Variants in SHC4 observed in about 807,000 individuals in gnomAD.
SHC4 encodes SHC adaptor protein 4.
SHC4 carries 41 observed loss-of-function variants against 69.4 expected under a neutral mutation model. The ratio of observed to expected loss-of-function variants is 0.59; its 90% CI spans 0.46 to 0.77. The LOEUF (loss-of-function observed/expected upper bound fraction) is 0.77, where lower values mean the gene tolerates loss of function less well. Among genes scored for constraint, SHC4 ranks in the 30% least tolerant of loss-of-function variants. The pLI is 0.00. For missense variants in SHC4, 777 were observed against 783.8 expected (o/e 0.99, Z 0.10); for synonymous variants, 318 against 299.3 (o/e 1.06, Z -0.64).
intron 2 of SHC4, among the ~76,000 whole-genome samples, chr15:48,914,202 G>T (rs1189258769): frequency 2.0e-5 from 3 of 152,232 alleles, no homozygotes; most frequent in Non-Finnish European, 4.4e-5. Context: ...TCGCTTGATT[G>T]TCTCCCACAT....
intron 1 of SHC4, among the ~76,000 whole-genome samples, chr15:48,932,896 G>C (rs1900994884): frequency 6.6e-6 from 1 of 152,106 alleles, no homozygotes; most frequent in Non-Finnish European, 1.5e-5. Flanking sequence ...ATATTCTTGA[G>C]ATGAGCAAGT....
At chr15:48,849,654 T>A (rs1018638057) in intron 9 of SHC4, among the ~76,000 whole-genome samples, 1 of 152,154 alleles carries the variant, frequency 6.6e-6, no homozygotes, top group Non-Finnish European at 1.5e-5. Flanking sequence ...GAGAACATGG[T>A]TGCAATACCA....
intron 3 of SHC4, among the ~76,000 whole-genome samples, chr15:48,885,848 A>G (rs7177833): frequency 0.25 from 38,295 of 152,146 alleles, 6,153 homozygotes; most frequent in East Asian, 0.57. Context: ...CTTCTTACAC[A>G]GCTCTGGGCA....
In SHC4 at chr15:48,963,692, G is replaced by GT. The variant is rs1340129925; in HGVS notation, c.-678dup. Among the ~76,000 whole-genome samples the GT allele has an allele frequency of 6.6e-6, 1 of 152,120 alleles. No individual in the cohort carries two copies. The highest frequency in any genetic ancestry group is 1.5e-5 in the Non-Finnish European group (1 of 68,028). On this transcript the variant is annotated 5_prime_UTR_variant, in exon 1 of 12. Coordinates refer to ENST00000332408, the MANE Select transcript of SHC4 (RefSeq NM_203349.4). The stretch of plus-strand genomic sequence containing the variant: ...CTACTGACGGGCGCTGCTCCGCATT[G>GT]TTTCACTGACTTGTGATGGGTCCGT...
At chr15:48,837,570 T>C (rs1019699444) in intron 10 of SHC4, among the ~76,000 whole-genome samples, 2 of 152,128 alleles carry the variant, frequency 1.3e-5, no homozygotes, top group African/African-American at 2.4e-5. Context: ...ATAATTTATG[T>C]GTAATATTTA....
chr15:48,824,916 T>G lies in SHC4; in HGVS notation c.*1055A>C, dbSNP rs1898655679. On this transcript the variant is annotated 3_prime_UTR_variant, in exon 12 of 12. Transcript: ENST00000332408. ...ACATGTGGAAAATCTTTCCAAGTGCTTCATTCAATATGTTTTTTTTTCCTT... is the reference window on the plus strand; with the variant it reads ...ACATGTGGAAAATCTTTCCAAGTGCGTCATTCAATATGTTTTTTTTTCCTT... The G allele has an allele frequency of 9.5e-6, 1 of 105,642 alleles. No individual in the cohort carries two copies. Among genetic ancestry groups the G allele is most frequent in the South Asian group, 4.1e-4 (1 of 2,448 alleles). The allele number at this position is 105,642 out of a possible 1,614,324, so 6.5% of individuals were successfully genotyped here.
At chr15:48,920,748 G>GAT (rs1384663571) in intron 2 of SHC4, among the ~76,000 whole-genome samples, 2 of 151,756 alleles carry the variant, frequency 1.3e-5, no homozygotes, top group Admixed American at 6.6e-5. Flanking sequence ...ATATAATCAA[G>GAT]ATATATATAT....
chr15:48,906,679 T>C (rs1490569590), intron 2 of SHC4, among the ~76,000 whole-genome samples: 1 of 152,218 alleles, frequency 6.6e-6, no homozygotes, highest in Non-Finnish European at 1.5e-5. Context: ...GCACTCCTGC[T>C]GCCAAGGCCT....
chr15:48,897,428 C>T (rs1367285154), intron 2 of SHC4, among the ~76,000 whole-genome samples: 3 of 152,154 alleles, frequency 2.0e-5, no homozygotes, highest in African/African-American at 7.2e-5. Context: ...TCATCAACTC[C>T]TGGCCACTAC....
In SHC4 at chr15:48,958,340, AG is replaced by A. The variant is rs1346458904; in HGVS notation, c.585+4090del. ...AGGCAAGTGAGAGGTTGGGAAGTGG[AG>A]GAACATTGGAGTGAGACACACCTGG... On this transcript the variant is annotated intron_variant, in intron 1 of 11. Coordinates refer to ENST00000332408, the MANE Select transcript of SHC4 (RefSeq NM_203349.4). 3.9e-5 allele frequency among the ~76,000 whole-genome samples: 6 copies of A among 152,154 alleles called. No individual in the cohort carries two copies. In the East Asian group the frequency reaches 1.2e-3, roughly 29 times the overall value.
chr15:48,830,155 T>G (rs1402918233), intron 11 of SHC4, among the ~76,000 whole-genome samples: 2 of 152,230 alleles, frequency 1.3e-5, no homozygotes, highest in Non-Finnish European at 2.9e-5. Flanking sequence ...TCATTAATTT[T>G]TCATAGTGAA....
intron 2 of SHC4, among the ~76,000 whole-genome samples, chr15:48,892,109 C>T (rs1229878455): frequency 6.6e-6 from 1 of 152,044 alleles, no homozygotes; most frequent in African/African-American, 2.4e-5. Flanking sequence ...CCCGCCTCGG[C>T]CTCCTAAAGT....
intron 6 of SHC4, among the ~76,000 whole-genome samples, chr15:48,859,860 A>T (rs1319670283): frequency 6.6e-6 from 1 of 152,176 alleles, no homozygotes; most frequent in African/African-American, 2.4e-5. Context: ...CCTCCAGTTG[A>T]GCCATGAGAA....
chr15:48,891,960 T>G (rs1900145092), intron 2 of SHC4, among the ~76,000 whole-genome samples: 1 of 152,188 alleles, frequency 6.6e-6, no homozygotes, highest in African/African-American at 2.4e-5. Context: ...GTTCATGCCA[T>G]TCTCCTGCCT....
chr15:48,922,800 A>G (rs1200918575), intron 2 of SHC4, among the ~76,000 whole-genome samples: 1 of 152,202 alleles, frequency 6.6e-6, no homozygotes, highest in East Asian at 1.9e-4. Flanking sequence ...ATGTCTCAAG[A>G]TTAAGAATCT....
intron 2 of SHC4, among the ~76,000 whole-genome samples, chr15:48,904,940 AACACACAC>A (rs71650107): frequency 5.5e-5 from 8 of 144,694 alleles, no homozygotes; most frequent in South Asian, 2.3e-4. Context: ...ACACAGACAC[AACACACAC>A]ACACACACAC....
chr15:48,851,957 T>A (rs1899222420), intron 8 of SHC4, among the ~76,000 whole-genome samples: 1 of 152,124 alleles, frequency 6.6e-6, no homozygotes, highest in South Asian at 2.1e-4. Context: ...CATGGTAGAA[T>A]CCTAGGTCTT....
chr15:48,828,891 C>T (rs903861974), intron 11 of SHC4, among the ~76,000 whole-genome samples: 14 of 152,002 alleles, frequency 9.2e-5, no homozygotes, highest in African/African-American at 2.9e-4. Flanking sequence ...GAGTTGTAGG[C>T]GTTCCTTATA....
intron 2 of SHC4, among the ~76,000 whole-genome samples, chr15:48,921,046 A>T (rs1698198220): frequency 6.6e-6 from 1 of 152,178 alleles, no homozygotes; most frequent in South Asian, 2.1e-4. Context: ...AAATTTTAGA[A>T]AAACAACCCA....
Sources: gnomAD v4.1 joint callset for allele counts (sites outside exome capture counted in the v4.1 genomes callset) on GRCh38, gnomAD v4.1.1 for gene constraint, MANE v1.5 for transcripts, NCBI Gene and HGNC (gene_info 2026-07-23, HGNC 2026-07-21) for gene names.